The following SLC24A3 variants were observed in gnomAD, a reference collection of about 807,000 sequenced individuals.
SLC24A3 encodes the protein sodium/potassium/calcium exchanger 3.
Under a neutral mutation model 75.8 loss-of-function variants are expected in SLC24A3, and 28 were observed. That is an observed-to-expected ratio of 0.37 (90% CI 0.27 to 0.51). The LOEUF (loss-of-function observed/expected upper bound fraction) is 0.51, where lower values mean the gene tolerates loss of function less well. Ranked by LOEUF, SLC24A3 falls within the 20% of genes least tolerant of loss-of-function variation. The pLI, the probability that SLC24A3 is intolerant of heterozygous loss-of-function variation, is 0.94. For missense variants in SLC24A3, 663 were observed against 847.8 expected (o/e 0.78, Z 2.71); for synonymous variants, 372 against 334.1 (o/e 1.11, Z -1.24).
At chr20:19,321,346 G>T (rs1984702306) in intron 2 of SLC24A3, among the ~76,000 whole-genome samples, 1 of 152,130 alleles carries the variant, frequency 6.6e-6, no homozygotes, top group Admixed American at 6.5e-5. Flanking sequence ...CGAACACAGC[G>T]ATTACTCATT....
intron 1 of SLC24A3, among the ~76,000 whole-genome samples, chr20:19,270,632 A>G (rs185867288): frequency 7.2e-5 from 11 of 152,264 alleles, no homozygotes; most frequent in African/African-American, 2.4e-4. Flanking sequence ...GATTTGGTGG[A>G]TGTATTCTGG....
At chr20:19,452,898 C>A (rs1987512093) in intron 2 of SLC24A3, among the ~76,000 whole-genome samples, 2 of 152,024 alleles carry the variant, frequency 1.3e-5, no homozygotes, top group Admixed American at 1.3e-4. Flanking sequence ...ATATTAGCCA[C>A]CTGTACCAGG....
chr20:19,324,954 A>G (rs1202142740), intron 2 of SLC24A3, among the ~76,000 whole-genome samples: 1 of 151,896 alleles, frequency 6.6e-6, no homozygotes, highest in African/African-American at 2.4e-5. Context: ...GGCAGTTGAC[A>G]TTCAAGAACC....
chr20:19,474,316 T>C (rs538249527), intron 2 of SLC24A3, among the ~76,000 whole-genome samples: 95 of 152,240 alleles, frequency 6.2e-4, no homozygotes, highest in African/African-American at 2.1e-3. Context: ...CAGAGAATGG[T>C]GGAGGGAGGC....
At chr20:19,635,228 G>A (rs1454839463) in intron 6 of SLC24A3, among the ~76,000 whole-genome samples, 1 of 152,232 alleles carries the variant, frequency 6.6e-6, no homozygotes, top group Non-Finnish European at 1.5e-5. Context: ...CATAGCGAGA[G>A]TAGTCTAGAG....
rs370152172 is a variant in SLC24A3 at position 19,693,475 on chromosome 20, A to C, written c.1491+50A>C. ...CACTGTTAAATCTCTTTAGAGAATA[A>C]AGAAGGGAATAAGAGTCAGGGTTTC... On this transcript the variant is annotated intron_variant, in intron 13 of 16. Transcript: ENST00000328041. 9.3e-5 allele frequency: 148 copies of C among 1,598,040 alleles called. No individual in the cohort carries two copies. In the African/African-American group the frequency reaches 1.9e-3, roughly 20 times the overall value.
chr20:19,324,870 T>A lies in SLC24A3; in HGVS notation c.271+43783T>A, dbSNP rs1306956636. On this transcript the variant is annotated intron_variant, in intron 2 of 16. Transcript: ENST00000328041. ...TATCTTCACTTTTCTTTTCTTTTTT[T>A]CTCTCAAATTTTATTACAAAATATT... is the stretch of plus-strand genomic sequence containing the variant. Among the ~76,000 whole-genome samples the A allele has an allele frequency of 2.0e-5, 3 of 152,178 alleles. No individual in the cohort carries two copies. In the East Asian group the frequency reaches 5.8e-4, roughly 29 times the overall value.
chr20:19,355,015 G>C (rs1985652343), intron 2 of SLC24A3: 1 of 152,206 alleles, frequency 6.6e-6, no homozygotes, highest in African/African-American at 2.4e-5. Context: ...CTTAGCATCA[G>C]AGAAGGCTAC....
intron 1 of SLC24A3, among the ~76,000 whole-genome samples, chr20:19,252,453 A>G (rs1982687037): frequency 6.6e-6 from 1 of 152,210 alleles, no homozygotes; most frequent in Non-Finnish European, 1.5e-5. Context: ...GTGGTGACGG[A>G]GTAGCAATAT....
At chr20:19,427,091 CTG>C (rs759714436) in intron 2 of SLC24A3, among the ~76,000 whole-genome samples, 1 of 151,930 alleles carries the variant, frequency 6.6e-6, no homozygotes, top group African/African-American at 2.4e-5. Flanking sequence ...GCGTGTGTCT[CTG>C]TGTGCATGTG....
intron 1 of SLC24A3, among the ~76,000 whole-genome samples, chr20:19,270,313 C>G (rs1246511338): frequency 6.6e-6 from 1 of 152,022 alleles, no homozygotes; most frequent in Non-Finnish European, 1.5e-5. Context: ...CCCAGACCTC[C>G]TTACTCAAAG....
intron 2 of SLC24A3, among the ~76,000 whole-genome samples, chr20:19,299,486 T>A (rs1984146261): frequency 6.6e-6 from 1 of 152,120 alleles, no homozygotes; most frequent in South Asian, 2.1e-4. Context: ...CAGGTCAAAT[T>A]TTTTTAAAAA....
At chr20:19,388,243 TTC>T (rs1437319418) in intron 2 of SLC24A3, among the ~76,000 whole-genome samples, 3 of 152,238 alleles carry the variant, frequency 2.0e-5, no homozygotes, top group Non-Finnish European at 4.4e-5. Flanking sequence ...CTCCATTTAC[TTC>T]TGTTAATATT....
intron 2 of SLC24A3, among the ~76,000 whole-genome samples, chr20:19,328,330 C>G (rs371265011): frequency 4.6e-5 from 7 of 152,074 alleles, no homozygotes; most frequent in African/African-American, 1.7e-4. Context: ...AGAGCCGCCT[C>G]TTGCTTCCTG....
chr20:19,590,014 T>C (rs62200269), intron 6 of SLC24A3, among the ~76,000 whole-genome samples: 22,167 of 152,006 alleles, frequency 0.15, 1,769 homozygotes, highest in African/African-American at 0.2. Context: ...TTTTATGTGT[T>C]CTTTGGAAGT....
intron 3 of SLC24A3, among the ~76,000 whole-genome samples, chr20:19,573,223 A>G (rs1165363844): frequency 6.6e-6 from 1 of 152,234 alleles, no homozygotes; most frequent in Non-Finnish European, 1.5e-5. Flanking sequence ...CAGTATTCAG[A>G]AGCCCTTATG....
intron 3 of SLC24A3, among the ~76,000 whole-genome samples, chr20:19,576,395 G>C (rs1005786848): frequency 2.4e-4 from 37 of 152,090 alleles, no homozygotes. Flanking sequence ...CTCTTTGCTT[G>C]TGCTGCAGGA....
At chr20:19,352,551 T>A (rs1985594696) in intron 2 of SLC24A3, among the ~76,000 whole-genome samples, 1 of 152,216 alleles carries the variant, frequency 6.6e-6, no homozygotes, top group African/African-American at 2.4e-5. Context: ...GATTTTCAAA[T>A]GAAGACTCTG....
chr20:19,701,550 T>TA (rs1465949995), intron 15 of SLC24A3, among the ~76,000 whole-genome samples: 1 of 152,088 alleles, frequency 6.6e-6, no homozygotes, highest in Non-Finnish European at 1.5e-5. Flanking sequence ...CTAACTTCCT[T>TA]AAAAAATATT....
Sources: allele counts gnomAD v4.1 joint callset (sites outside exome capture counted in the v4.1 genomes callset), GRCh38; gene constraint gnomAD v4.1.1; transcripts MANE v1.5; gene names NCBI Gene and HGNC (gene_info 2026-07-23, HGNC 2026-07-21).